ZNF316: variants seen among roughly 807,000 people sequenced by gnomAD.
ZNF316 encodes zinc finger protein 316.
ZNF316 carries 23 observed loss-of-function variants against 75.6 expected under a neutral mutation model. The observed-to-expected ratio is 0.30, with a 90% CI of 0.22 to 0.43. The LOEUF is 0.43. Among genes scored for constraint, ZNF316 ranks in the 20% least tolerant of loss-of-function variants. The pLI is 1.00. For synonymous variants in ZNF316, 827 were observed against 666.2 expected (o/e 1.24, Z -3.72); for missense variants, 1,266 against 1,409.4 (o/e 0.90, Z 1.63).
rs1336963086 is a variant in ZNF316, at chr7:6,639,106, C to G, written c.-202C>G. ...CTTCTTGGGAGAAAGAACTCAGTGTCGTCTTTGGAGGCAGAGACTCTCCAC... is the reference window on the plus strand; with the variant it reads ...CTTCTTGGGAGAAAGAACTCAGTGTGGTCTTTGGAGGCAGAGACTCTCCAC... On this transcript the variant is annotated 5_prime_UTR_variant, in exon 3 of 9. Coordinates refer to ENST00000382252, the MANE Select transcript of ZNF316 (RefSeq NM_001278559.2). This position sits in a 1 kb window ranked among gnomAD's most constrained non-coding sequence, Gnocchi z 4.2. 6.6e-6 allele frequency: 1 copy of G among 152,234 alleles called. No individual in the cohort carries two copies. Among genetic ancestry groups the G allele is most frequent in the African/African-American group, 2.4e-5 (1 of 41,420 alleles). 9.4% of individuals were successfully genotyped at this position (152,234 alleles called of 1,614,324 possible).
intron 2 of ZNF316, among the ~76,000 whole-genome samples, 161 bp downstream of exon 2, chr7:6,638,170 C>G (rs59743512): frequency 6.6e-6 from 1 of 152,108 alleles, no homozygotes; most frequent in African/African-American, 2.4e-5. Flanking sequence ...TGTGGGGAGA[C>G]CTCGGTGCTT....
In ZNF316 at chr7:6,653,469, C is replaced by T; in HGVS notation, c.1873C>T (p.Leu625=). 1 of 1,226,870 alleles carries T rather than the reference C, an allele frequency of 8.2e-7. No individual in the cohort carries two copies. Among genetic ancestry groups the T allele is most frequent in the South Asian group, 4.1e-5 (1 of 24,302 alleles). 76.0% of individuals were successfully genotyped at this position (1,226,870 alleles called of 1,614,324 possible). ...GGGCCTACCCGACTTCCGAGAGCGG[C>T]TGCCGGTCGACGGGCGCCCGCTCCC... The part of the protein sequence containing the change: ...ILGLPDFRER[L]PVDGRPLPAP... The change falls in exon 9 of 9, where the codon CTG becomes TTG. Residue 625 remains leucine, a synonymous_variant. Coordinates refer to ENST00000382252, the MANE Select transcript of ZNF316 (RefSeq NM_001278559.2).
rs1350740583 is a variant in ZNF316 at position 6,639,551 on chromosome 7, C to T, written c.-167+410C>T. Among the ~76,000 whole-genome samples the T allele has an allele frequency of 2.6e-5, 4 of 152,188 alleles. No homozygotes were observed. The East Asian group carries it at 7.7e-4, about 29-fold the overall frequency. ...GGATGGGGAATAACACACACACGGC[C>T]TGAGATGAGATGAACATGCAGCCAC... On this transcript the variant is annotated intron_variant, in intron 3 of 8. Coordinates refer to ENST00000382252, the MANE Select transcript of ZNF316 (RefSeq NM_001278559.2). This position sits in a 1 kb window ranked among gnomAD's most constrained non-coding sequence, Gnocchi z 4.2.
chr7:6,652,029 G>A (rs1016314950), intron 8 of ZNF316, among the ~76,000 whole-genome samples: 4 of 152,180 alleles, frequency 2.6e-5, no homozygotes, highest in East Asian at 1.9e-4. Flanking sequence ...GATGTTGGAC[G>A]GGAGCCCTGG....
Position 6,654,570 on chromosome 7 carries a change from T to C in ZNF316, c.2974T>C (p.Phe992Leu), listed in dbSNP as rs1241662634. ...TSFGSEHQAA[F>L]AGPSGAYREG... The stretch of plus-strand genomic sequence containing the variant: ...CTTCGGCTCCGAGCACCAGGCCGCG[T>C]TCGCCGGGCCCTCGGGCGCCTACCG... The change falls in exon 9 of 9, where the codon TTC (phenylalanine) becomes CTC (leucine). Residue 992 changes from phenylalanine (F) to leucine (L), a missense_variant. Coordinates refer to ENST00000382252, the MANE Select transcript of ZNF316 (RefSeq NM_001278559.2). The C allele has an allele frequency of 8.4e-7, 1 of 1,187,470 alleles. No homozygotes were observed. The highest frequency in any genetic ancestry group is 4.5e-5 in the Admixed American group (1 of 22,186). The allele number at this position is 1,187,470 out of a possible 1,614,324, so 73.6% of individuals were successfully genotyped here. A position where few individuals can be genotyped will look rare whatever the true frequency, so the allele number is the denominator to read the frequency against.
intron 8 of ZNF316, among the ~76,000 whole-genome samples, chr7:6,648,134 G>A (rs149510264): frequency 2.0e-5 from 3 of 152,334 alleles, no homozygotes; most frequent in African/African-American, 7.2e-5. Flanking sequence ...CACCCTCCCA[G>A]GTGTAGGGAC....
Position 6,652,708 on chromosome 7 carries a change from A to T in ZNF316, c.1112A>T (p.Lys371Met), listed in dbSNP as rs1779532381. ...AKHQRYHAAV[K>M]PFGCEECGKG... Reference sequence around the variant, plus strand: ...CACCAGCGCTACCACGCGGCCGTCAAGCCCTTCGGCTGCGAGGAGTGCGGC... The same window carrying T: ...CACCAGCGCTACCACGCGGCCGTCATGCCCTTCGGCTGCGAGGAGTGCGGC... The change falls in exon 9 of 9, where the codon AAG becomes ATG. Residue 371 changes from lysine (K) to methionine (M), a missense_variant. Around this residue, in one of 3 missense-constraint regions of ZNF316, gnomAD observed 961 missense variants for 990.9 expected, o/e 0.97. Transcript: ENST00000382252. 1.6e-6 allele frequency: 2 copies of T among 1,238,802 alleles called. No individual in the cohort carries two copies. Among genetic ancestry groups the T allele is most frequent in the South Asian group, 7.5e-5 (2 of 26,650 alleles). The allele number at this position is 1,238,802 out of a possible 1,614,324, so 76.7% of individuals were successfully genotyped here. A position where few individuals can be genotyped will look rare whatever the true frequency, so the allele number is the denominator to read the frequency against.
intron 8 of ZNF316, among the ~76,000 whole-genome samples, chr7:6,650,586 G>A (rs768613738): frequency 2.0e-5 from 3 of 152,158 alleles, no homozygotes; most frequent in African/African-American, 4.8e-5. Context: ...GCCAGCGTGC[G>A]ACATGAGGGG....
rs1779604470 is a variant in ZNF316, at chr7:6,655,427, CCT to C, written c.*820_*821del. The C allele has an allele frequency of 6.6e-6, 1 of 152,174 alleles. No individual in the cohort carries two copies. Among genetic ancestry groups the C allele is most frequent in the Non-Finnish European group, 1.5e-5 (1 of 68,092 alleles). The allele number at this position is 152,174 out of a possible 1,614,324, so 9.4% of individuals were successfully genotyped here. A position where few individuals can be genotyped will look rare whatever the true frequency, so the allele number is the denominator to read the frequency against. On this transcript the variant is annotated 3_prime_UTR_variant, in exon 9 of 9. Transcript: ENST00000382252. ...CGGTTCGGTTTTGGTCTCTGCTTGT[CCT>C]CTCAGTCCTTGGTACTTTCGTCTCC...
chr7:6,651,959 A>C (rs920193657), intron 8 of ZNF316, among the ~76,000 whole-genome samples: 1 of 152,122 alleles, frequency 6.6e-6, no homozygotes, highest in African/African-American at 2.4e-5. Context: ...ACCCCTTCCT[A>C]GAGTTTGCCC....
chr7:6,657,604 A>G lies in ZNF316; in HGVS notation c.*2993A>G, dbSNP rs1424278242. ...CCAGCACTATGGGAGGCCAAGGCGG[A>G]TCCCTTGAGCTCAGATGGATTCCTT... On this transcript the variant is annotated 3_prime_UTR_variant, in exon 9 of 9. Transcript: ENST00000382252. Among the ~76,000 whole-genome samples, 2 of 152,022 alleles carry G rather than the reference A, an allele frequency of 1.3e-5. No homozygotes were observed. The highest frequency in any genetic ancestry group is 1.3e-4 in the Admixed American group (2 of 15,262).
chr7:6,647,688 G>A (rs916942695), intron 8 of ZNF316, among the ~76,000 whole-genome samples: 1 of 152,244 alleles, frequency 6.6e-6, no homozygotes, highest in Admixed American at 6.5e-5. Context: ...AGGTCAGGTT[G>A]GGCCTGGAGA....
rs1000868594 is a variant in ZNF316, at chr7:6,642,622, G to A, written c.213G>A (p.Ala71=). The part of the protein sequence containing the change: ...AEVVQDAQVE[A]VAEVEVEADV... ...TAGTGCAGGATGCGCAGGTGGAGGC[G>A]GTGGCCGAGGTGGAGGTGGAGGCGG... Residue 71 remains alanine (A), a synonymous_variant, in exon 5 of 9, where the codon GCG becomes GCA. Transcript: ENST00000382252. This position sits in a 1 kb window ranked among gnomAD's most constrained non-coding sequence, Gnocchi z 8.1. 9 of 1,231,572 alleles carry A rather than the reference G, an allele frequency of 7.3e-6. No individual in the cohort carries two copies. In the Admixed American group the frequency reaches 2.9e-4, roughly 40 times the overall value. The allele number at this position is 1,231,572 out of a possible 1,614,324, so 76.3% of individuals were successfully genotyped here. A position where few individuals can be genotyped will look rare whatever the true frequency, so the allele number is the denominator to read the frequency against.
chr7:6,650,254 G>A (rs1403686161), intron 8 of ZNF316, among the ~76,000 whole-genome samples: 1 of 152,202 alleles, frequency 6.6e-6, no homozygotes, highest in Non-Finnish European at 1.5e-5. Context: ...GCTGCCAGTC[G>A]GGGAAGGGTG....
rs1446517167 is a variant in ZNF316, at chr7:6,642,294, G to C, written c.-28-88G>C. 1 of 579,692 alleles carries C rather than the reference G, an allele frequency of 1.7e-6. No homozygotes were observed. Among genetic ancestry groups the C allele is most frequent in the African/African-American group, 1.9e-5 (1 of 52,002 alleles). The allele number at this position is 579,692 out of a possible 1,614,324, so 35.9% of individuals were successfully genotyped here. On this transcript the variant is annotated intron_variant, in intron 4 of 8. Transcript: ENST00000382252. This position sits in a 1 kb window ranked among gnomAD's most constrained non-coding sequence, Gnocchi z 8.1. ...ACAGGAGGAGTAAATCCTGCTCCCT[G>C]CGCCCCCGCCAGGCTGCGGGAGACC...
intron 8 of ZNF316, among the ~76,000 whole-genome samples, chr7:6,647,962 C>T (rs1779438247): frequency 6.6e-6 from 1 of 152,206 alleles, no homozygotes; most frequent in Admixed American, 6.5e-5. Flanking sequence ...GGGCACTTAC[C>T]AGACTGTTCT....
In ZNF316 at chr7:6,657,726, A is replaced by G. The variant is rs777823577; in HGVS notation, c.*3115A>G. On this transcript the variant is annotated 3_prime_UTR_variant, in exon 9 of 9. Transcript: ENST00000382252. ...GCTGGGTGTGGTGGCGCACGTCTAT[A>G]GTCCCAGCTACTCTGGAGGCTGAGC... is the stretch of plus-strand genomic sequence containing the variant. Among the ~76,000 whole-genome samples the G allele has an allele frequency of 2.7e-5, 4 of 149,264 alleles. No homozygotes were observed. The highest frequency in any genetic ancestry group is 5.9e-5 in the Non-Finnish European group (4 of 67,498).
intron 3 of ZNF316, among the ~76,000 whole-genome samples, chr7:6,641,279 A>T (rs1236948451): frequency 2.0e-5 from 3 of 152,196 alleles, no homozygotes; most frequent in Admixed American, 2.0e-4. Context: ...TCTGGGGCTC[A>T]TGGCCTCTCC....
chr7:6,644,467 G>A lies in ZNF316; in HGVS notation c.593-13G>A, dbSNP rs1360107179. 12 of 1,230,514 alleles carry A rather than the reference G, an allele frequency of 9.8e-6. No homozygotes were observed. The highest frequency in any genetic ancestry group is 7.8e-5 in the African/African-American group (5 of 64,356). 76.2% of individuals were successfully genotyped at this position (1,230,514 alleles called of 1,614,324 possible). On this transcript the variant is annotated splice_polypyrimidine_tract_variant and intron_variant, in intron 7 of 8. Transcript: ENST00000382252. Reference sequence around the variant, plus strand: ...CGGGAGCCGCCTGCAGCCGCCGTCTGTTCTCCTGGCAGGATACCCAATTCC... The same window carrying A: ...CGGGAGCCGCCTGCAGCCGCCGTCTATTCTCCTGGCAGGATACCCAATTCC...
Sources: gnomAD v4.1 joint callset for allele counts (sites outside exome capture counted in the v4.1 genomes callset) on GRCh38, gnomAD v4.1.1 for gene constraint, gnomAD v4.1.1 regional missense constraint, Gnocchi (gnomAD v3.1) non-coding constraint, MANE v1.5 for transcripts, NCBI Gene and HGNC (gene_info 2026-07-23, HGNC 2026-07-21) for gene names.